Variants in PDZD2 observed in about 807,000 individuals in gnomAD.
PDZD2 encodes PDZ domain containing 2, also known as PDZ domain-containing protein 2.
Under a neutral mutation model 220.7 loss-of-function variants are expected in PDZD2, and 90 were observed. The observed-to-expected ratio is 0.41, with a 90% CI of 0.34 to 0.49. The LOEUF (loss-of-function observed/expected upper bound fraction) is 0.49, where lower values mean the gene tolerates loss of function less well. Among genes scored for constraint, PDZD2 ranks in the 20% least tolerant of loss-of-function variants. PDZD2 has a pLI of 0.28. For synonymous variants in PDZD2, 1,375 were observed against 1,450.5 expected (o/e 0.95, Z 1.18); for missense variants, 3,174 against 3,608.5 (o/e 0.88, Z 3.08).
At chr5:31,777,442 C>T (rs1432083671) in intron 1 of PDZD2, among the ~76,000 whole-genome samples, 5 of 152,064 alleles carry the variant, frequency 3.3e-5, no homozygotes, top group African/African-American at 7.2e-5. Context: ...CCCCGACGGG[C>T]GCCGCCCCCT....
intron 2 of PDZD2, among the ~76,000 whole-genome samples, chr5:31,919,719 G>GAA (rs1554006705): frequency 0.1 from 3,359 of 33,180 alleles, 159 homozygotes; most frequent in African/African-American, 0.26. Flanking sequence ...AAAAAAAAAG[G>GAA]AAAAAAAAAA....
chr5:31,970,617 C>G (rs922275613), intron 2 of PDZD2, among the ~76,000 whole-genome samples: 2 of 151,920 alleles, frequency 1.3e-5, no homozygotes, highest in African/African-American at 4.8e-5. Flanking sequence ...TATCACGCCA[C>G]TGCACTCCAG....
rs75449614 is a variant in PDZD2, at chr5:32,108,746, A to T, written c.*611A>T. On this transcript the variant is annotated 3_prime_UTR_variant, in exon 25 of 25. Transcript: ENST00000438447. The stretch of plus-strand genomic sequence containing the variant: ...CAAAAAGGAAAAAGCAAAATAATTA[A>T]TTGAGAGTATTTTTTAGTGAGTGTA... The T allele has an allele frequency of 0.014, 2,093 of 152,780 alleles. 20 individuals carry two copies. The highest frequency in any genetic ancestry group is 0.023 in the Non-Finnish European group (1,586 of 68,032). 9.5% of individuals were successfully genotyped at this position (152,780 alleles called of 1,614,324 possible). A position where few individuals can be genotyped will look rare whatever the true frequency, so the allele number is the denominator to read the frequency against.
rs1561499094 is a variant in PDZD2, at chr5:31,840,423, TATATATATATATATATATATATA to T, written c.476+40700_476+40722del. ...ATATATATATATATATATATATATA[TATATATATATATATATATATATA>T]TATTTGTTTATAGTCCAGAGGTCTT... On this transcript the variant is annotated intron_variant, in intron 2 of 24. Transcript: ENST00000438447. The T allele has an allele frequency of 6.5e-4, 80 of 123,218 alleles. 3 individuals are homozygous for T. The highest frequency in any genetic ancestry group is 1.7e-3 in the Admixed American group (20 of 12,038). 7.6% of individuals were successfully genotyped at this position (123,218 alleles called of 1,614,324 possible).
At chr5:31,926,517 A>C (rs374819813) in intron 2 of PDZD2, among the ~76,000 whole-genome samples, 95 of 122,902 alleles carry the variant, frequency 7.7e-4, no homozygotes, top group African/African-American at 2.7e-3. Context: ...CAAGGTAGAA[A>C]CTGCATCTGA....
chr5:31,727,839 T>TA (rs1749262979), intron 1 of PDZD2, among the ~76,000 whole-genome samples: 1 of 151,186 alleles, frequency 6.6e-6, no homozygotes, highest in African/African-American at 2.4e-5. Context: ...CCGTCTCTAC[T>TA]AAAAATACAA....
At chr5:31,675,517 A>G (rs940450745) in intron 1 of PDZD2, among the ~76,000 whole-genome samples, 1 of 152,182 alleles carries the variant, frequency 6.6e-6, no homozygotes, top group African/African-American at 2.4e-5. Flanking sequence ...TGATCTAGGC[A>G]TTGTACTAAG....
chr5:31,700,170 G>A (rs976514633), intron 1 of PDZD2, among the ~76,000 whole-genome samples: 4 of 152,154 alleles, frequency 2.6e-5, no homozygotes, highest in Non-Finnish European at 5.9e-5. Context: ...GAGATTGGGA[G>A]GAGGACACCA....
At chr5:31,854,885 TA>T in intron 2 of PDZD2, 1 of 748,210 alleles carries the variant, frequency 1.3e-6, no homozygotes, top group East Asian at 1.3e-4. Context: ...AGGCTTTTCC[TA>T]ACCTCCTCCA....
intron 2 of PDZD2, among the ~76,000 whole-genome samples, chr5:31,888,009 AC>A (rs1295709821): frequency 1.1e-4 from 16 of 151,822 alleles, no homozygotes; most frequent in African/African-American, 3.4e-4. Context: ...GAGGGATACA[AC>A]CCTATTTTTC....
At chr5:32,094,599 T>C (rs1246816952) in intron 21 of PDZD2, among the ~76,000 whole-genome samples, 1 of 151,904 alleles carries the variant, frequency 6.6e-6, no homozygotes, top group Non-Finnish European at 1.5e-5. Flanking sequence ...CAGCCGCTGA[T>C]TTGGGTCTGT....
Position 32,037,101 on chromosome 5 carries a change from C to T in PDZD2, c.1408-130C>T, listed in dbSNP as rs73072267. 1,698 of 630,048 alleles carry T rather than the reference C, an allele frequency of 2.7e-3. 22 individuals carry two copies. The African/African-American group carries it at 0.027, about 10-fold the overall frequency. 39.0% of individuals were successfully genotyped at this position (630,048 alleles called of 1,614,324 possible). ...TATCTGAAGGGCTGTGCTTTGATCC[C>T]GTGGTCCTTCTTCTCACATAACACC... On this transcript the variant is annotated intron_variant, in intron 6 of 24. Coordinates refer to ENST00000438447, the MANE Select transcript of PDZD2 (RefSeq NM_178140.4).
chr5:31,929,759 A>T (rs1028886119), intron 2 of PDZD2, among the ~76,000 whole-genome samples: 1 of 152,080 alleles, frequency 6.6e-6, no homozygotes, highest in Non-Finnish European at 1.5e-5. Flanking sequence ...GGCTGAAAAA[A>T]AAAAGCAGCG....
intron 8 of PDZD2, among the ~76,000 whole-genome samples, chr5:32,050,688 G>A (rs1008615437): frequency 5.9e-5 from 9 of 152,208 alleles, no homozygotes; most frequent in East Asian, 1.9e-4. Context: ...GGGTATGGTC[G>A]TGCATACCTG....
At chr5:32,031,071 T>A (rs1755076010) in intron 6 of PDZD2, among the ~76,000 whole-genome samples, 3 of 152,202 alleles carry the variant, frequency 2.0e-5, no homozygotes, top group Admixed American at 2.0e-4. Flanking sequence ...ATCATTTGTC[T>A]CATGTTTTCT....
At chr5:31,854,888 C>T (rs919021672) in intron 2 of PDZD2, 23 of 769,064 alleles carry the variant, frequency 3.0e-5, no homozygotes, top group African/African-American at 7.5e-5. Context: ...CTTTTCCTAA[C>T]CTCCTCCACC....
chr5:32,110,798 A>G lies in PDZD2; in HGVS notation c.*2663A>G, dbSNP rs1742033363. The G allele has an allele frequency of 6.6e-6, 1 of 152,630 alleles. No individual in the cohort carries two copies. Among genetic ancestry groups the G allele is most frequent in the African/African-American group, 2.4e-5 (1 of 41,476 alleles). 9.5% of individuals were successfully genotyped at this position (152,630 alleles called of 1,614,324 possible). ...TGTAAAGTAAAATGCCTTATATATTAAAGAGTAAGTGCAATAATATGAAAT... is the reference window on the plus strand; with the variant it reads ...TGTAAAGTAAAATGCCTTATATATTGAAGAGTAAGTGCAATAATATGAAAT... On this transcript the variant is annotated 3_prime_UTR_variant, in exon 25 of 25. Coordinates refer to ENST00000438447, the MANE Select transcript of PDZD2 (RefSeq NM_178140.4).
intron 1 of PDZD2, among the ~76,000 whole-genome samples, chr5:31,762,869 T>G (rs1380694901): frequency 4.6e-5 from 7 of 152,014 alleles, no homozygotes; most frequent in Admixed American, 1.3e-4. Flanking sequence ...CCCTGTGGAG[T>G]GCTGCCTTCC....
chr5:31,865,783 C>G (rs1332617738), intron 2 of PDZD2, among the ~76,000 whole-genome samples: 2 of 151,130 alleles, frequency 1.3e-5, no homozygotes, highest in African/African-American at 2.4e-5. Context: ...AGGCGCCCAC[C>G]ACCACGCCCG....
Sources: gnomAD v4.1 joint callset for allele counts (sites outside exome capture counted in the v4.1 genomes callset) on GRCh38, gnomAD v4.1.1 for gene constraint, MANE v1.5 for transcripts, NCBI Gene and HGNC (gene_info 2026-07-23, HGNC 2026-07-21) for gene names.